PARG: variants seen among roughly 807,000 people sequenced by gnomAD.
PARG encodes mitochondrial poly(ADP-ribose) glycohydrolase.
Under a neutral mutation model 113.0 loss-of-function variants are expected in PARG, and 35 were observed. The observed-to-expected ratio is 0.31, with a 90% CI of 0.24 to 0.41. The LOEUF (loss-of-function observed/expected upper bound fraction) is 0.41, where lower values mean the gene tolerates loss of function less well. PARG is among the 10% of genes least tolerant of loss of function. PARG has a pLI of 1.00. For missense variants in PARG, 797 were observed against 1,169.4 expected (o/e 0.68, Z 4.64); for synonymous variants, 330 against 409.9 (o/e 0.81, Z 2.36).
rs1211471476 is a variant in PARG at position 49,891,590 on chromosome 10, CATATATATATAT to C, written c.1738-6307_1738-6296del. Among the ~76,000 whole-genome samples the C allele has an allele frequency of 4.7e-4, 23 of 48,624 alleles. 1 individual carries two copies. The highest frequency in any genetic ancestry group is 8.6e-4 in the Admixed American group (3 of 3,482). 31.9% of individuals were successfully genotyped at this position (48,624 alleles called of 152,430 possible). A position where few individuals can be genotyped will look rare whatever the true frequency, so the allele number is the denominator to read the frequency against. On this transcript the variant is annotated intron_variant, in intron 7 of 17. Coordinates refer to ENST00000616448, the MANE Select transcript of PARG (RefSeq NM_003631.5). ...GAAATATCCTCATAATCCTATGGTCCATATATATATATATATATATATATATATATATATTTT... is the reference window on the plus strand; with the variant it reads ...GAAATATCCTCATAATCCTATGGTCCATATATATATATATATATATATTTT...
intron 7 of PARG, among the ~76,000 whole-genome samples, chr10:49,893,198 C>A (rs1363622795): frequency 2.0e-5 from 3 of 152,042 alleles, no homozygotes; most frequent in East Asian, 1.9e-4. Flanking sequence ...AAACTCCCAA[C>A]AACAAAGTAT....
intron 16 of PARG, among the ~76,000 whole-genome samples, chr10:49,825,585 T>C (rs1554829276): frequency 1.3e-5 from 2 of 152,206 alleles, no homozygotes; most frequent in Admixed American, 6.5e-5. Flanking sequence ...GAACATAGTA[T>C]GCACTCAATA....
intron 13 of PARG, among the ~76,000 whole-genome samples, chr10:49,846,746 ATGTGTGTGTGTGTG>A (rs35901101): frequency 6.7e-6 from 1 of 149,214 alleles, no homozygotes; most frequent in African/African-American, 2.5e-5. Flanking sequence ...ACAGTTGTAT[ATGTGTGTGTGTGTG>A]TGTGTGTGTG....
At chr10:49,881,996 G>C (rs1200233539) in intron 8 of PARG, among the ~76,000 whole-genome samples, 1 of 152,124 alleles carries the variant, frequency 6.6e-6, no homozygotes, top group Non-Finnish European at 1.5e-5. Flanking sequence ...GAAGAAATGA[G>C]TTTTTAACTA....
chr10:49,882,502 T>C (rs1554839640), intron 8 of PARG, among the ~76,000 whole-genome samples: 1 of 152,222 alleles, frequency 6.6e-6, no homozygotes, highest in African/African-American at 2.4e-5. Flanking sequence ...CCCGTTGATA[T>C]GCTAATGGAG....
chr10:49,883,526 C>T (rs1410885747), intron 8 of PARG, among the ~76,000 whole-genome samples: 1 of 147,656 alleles, frequency 6.8e-6, no homozygotes, highest in Non-Finnish European at 1.5e-5. Flanking sequence ...GTCTTGGGCA[C>T]GGTGGCTCAT....
chr10:49,876,687 T>G (rs1846954137), intron 9 of PARG, among the ~76,000 whole-genome samples: 4 of 152,118 alleles, frequency 2.6e-5, no homozygotes, highest in African/African-American at 9.6e-5. Context: ...AGGGCATCTG[T>G]GACGTGAGGT....
chr10:49,874,895 T>C (rs1846882301), intron 9 of PARG, among the ~76,000 whole-genome samples: 1 of 109,810 alleles, frequency 9.1e-6, no homozygotes, highest in South Asian at 3.2e-4. Context: ...TATATATGAA[T>C]GTAAATTCTG....
At position 49,941,506 on chromosome 10, in the gene PARG, T is replaced by C. The variant is rs1161332651; in HGVS notation, c.217+3A>G. On this transcript the variant is annotated splice_donor_region_variant and intron_variant, in intron 1 of 17. Transcript: ENST00000616448. ...GGACAAAGATTTTTATTTTCCCACG[T>C]ACCAAGCGAGGTGGCGCTGCCTCTG... 2 of 1,545,994 alleles carry C rather than the reference T, an allele frequency of 1.3e-6. No individual in the cohort carries two copies. Among genetic ancestry groups the C allele is most frequent in the Non-Finnish European group, 1.8e-6 (2 of 1,142,144 alleles).
chr10:49,880,609 A>G (rs1196296657), intron 8 of PARG, among the ~76,000 whole-genome samples: 1 of 152,168 alleles, frequency 6.6e-6, no homozygotes, highest in East Asian at 1.9e-4. Flanking sequence ...TAAAGTTCCA[A>G]GACCCCCAAC....
chr10:49,926,098 T>G (rs1838151295), intron 4 of PARG, among the ~76,000 whole-genome samples: 1 of 152,234 alleles, frequency 6.6e-6, no homozygotes, highest in African/African-American at 2.4e-5. Context: ...AAGGCATGTC[T>G]GTAATAAGCT....
chr10:49,918,149 G>A (rs1170404308), intron 6 of PARG, among the ~76,000 whole-genome samples: 1 of 152,144 alleles, frequency 6.6e-6, no homozygotes, highest in Non-Finnish European at 1.5e-5. Context: ...AGTGGGGAGA[G>A]GAATCTTTGG....
intron 7 of PARG, among the ~76,000 whole-genome samples, chr10:49,895,063 T>A (rs1554842396): frequency 6.6e-6 from 1 of 152,192 alleles, no homozygotes; most frequent in Non-Finnish European, 1.5e-5. Context: ...AGGACACCAG[T>A]CATTGATTTA....
intron 7 of PARG, among the ~76,000 whole-genome samples, chr10:49,896,679 C>A (rs1444933382): frequency 6.6e-6 from 1 of 152,088 alleles, no homozygotes; most frequent in African/African-American, 2.4e-5. Flanking sequence ...AAATATAAAT[C>A]CAATCCTGCA....
intron 7 of PARG, among the ~76,000 whole-genome samples, chr10:49,897,317 C>T (rs1398630800): frequency 6.6e-6 from 1 of 152,162 alleles, no homozygotes; most frequent in Non-Finnish European, 1.5e-5. Context: ...TTATTTTACC[C>T]TCTGCCTTGT....
Position 49,933,851 on chromosome 10 carries a change from T to G in PARG, c.597A>C (p.Thr199=). Residue 199 remains threonine (T), a synonymous_variant, in exon 3 of 18, where the codon ACA becomes ACC. Coordinates refer to ENST00000616448, the MANE Select transcript of PARG (RefSeq NM_003631.5). ...RSPQNDDHSD[T]DSEENRDNQQ... ...GATTGTCTCTATTCTCTTCACTATC[T>G]GTGTCACTGTGATCATCATTTTGAG... The G allele has an allele frequency of 6.3e-7, 1 of 1,596,596 alleles. No homozygotes were observed. Among genetic ancestry groups the G allele is most frequent in the Admixed American group, 1.7e-5 (1 of 59,996 alleles).
intron 10 of PARG, 90 bp downstream of exon 10, chr10:49,869,386 A>G: frequency 1.5e-6 from 1 of 666,244 alleles, no homozygotes; most frequent in Non-Finnish European, 2.7e-6. Flanking sequence ...AGGAAGGTTT[A>G]CGTTAAACAC....
At chr10:49,870,483 CCT>C (rs1325914818) in intron 9 of PARG, among the ~76,000 whole-genome samples, 1 of 148,678 alleles carries the variant, frequency 6.7e-6, no homozygotes, top group Non-Finnish European at 1.5e-5. Flanking sequence ...CAGTGCCTAC[CCT>C]GTGTCATCTA....
chr10:49,879,965 G>T (rs1379061787), intron 8 of PARG, 135 bp from the exon 9 acceptor site: 1 of 579,658 alleles, frequency 1.7e-6, no homozygotes, highest in Non-Finnish European at 3.1e-6. Flanking sequence ...CCTTAAATCA[G>T]CAATATTGTA....
Sources: gnomAD v4.1 joint callset for allele counts (sites outside exome capture counted in the v4.1 genomes callset) on GRCh38, gnomAD v4.1.1 for gene constraint, MANE v1.5 for transcripts, NCBI Gene and HGNC (gene_info 2026-07-23, HGNC 2026-07-21) for gene names.